PLEKHG4B: variants seen among roughly 807,000 people sequenced by gnomAD.
PLEKHG4B encodes pleckstrin homology and RhoGEF domain containing G4B.
Under a neutral mutation model 121.3 loss-of-function variants are expected in PLEKHG4B, and 111 were observed. The observed-to-expected ratio is 0.92, with a 90% CI of 0.78 to 1.07. PLEKHG4B has a LOEUF of 1.07. Ranked by LOEUF, PLEKHG4B falls within the 50% of genes least tolerant of loss-of-function variation. The pLI is 0.00. For synonymous variants in PLEKHG4B, 738 were observed against 725.0 expected (o/e 1.02, Z -0.29); for missense variants, 1,831 against 1,757.8 (o/e 1.04, Z -0.74).
At chr5:167,653 C>T (rs1055644283) in intron 13 of PLEKHG4B, among the ~76,000 whole-genome samples, 19 of 152,186 alleles carry the variant, frequency 1.2e-4, no homozygotes, top group Admixed American at 4.6e-4. Context: ...ACGCCCAGAT[C>T]CCACCCCAGC....
chr5:133,599 A>G (rs1287637508), intron 2 of PLEKHG4B, among the ~76,000 whole-genome samples: 1 of 152,184 alleles, frequency 6.6e-6, no homozygotes, highest in Non-Finnish European at 1.5e-5. Flanking sequence ...CTTATCATGC[A>G]GGAATGGCCA....
Position 162,849 on chromosome 5 carries a change from C to CA in PLEKHG4B, c.2778dup (p.Val927SerfsTer34). The CA allele has an allele frequency of 6.6e-7, 1 of 1,515,126 alleles. No individual in the cohort carries two copies. Among genetic ancestry groups the CA allele is most frequent in the South Asian group, 1.3e-5 (1 of 76,040 alleles). The allele number at this position is 1,515,126 out of a possible 1,614,324, so 93.9% of individuals were successfully genotyped here. ...GAGGCCTTCCCCGGGGCAGGTGTGGCAGTGCTGAAGCCTCATGCCCTGGGG... is the reference window on the plus strand; with the variant it reads ...GAGGCCTTCCCCGGGGCAGGTGTGGCAAGTGCTGAAGCCTCATGCCCTGGGG... On this transcript the variant is annotated frameshift_variant, in exon 13 of 20. Transcript: ENST00000637938. LOFTEE classifies it high-confidence loss of function.
intron 12 of PLEKHG4B, 82 bp from the exon 13 acceptor site, chr5:162,640 A>G (rs1202170890): frequency 2.8e-6 from 3 of 1,061,306 alleles, no homozygotes; most frequent in Non-Finnish European, 3.7e-6. Flanking sequence ...GAATAGGCTG[A>G]CCTGGGGAAC....
At chr5:134,495 G>T (rs1734888630) in intron 2 of PLEKHG4B, among the ~76,000 whole-genome samples, 1 of 152,066 alleles carries the variant, frequency 6.6e-6, no homozygotes, top group Admixed American at 6.5e-5. Context: ...TCCAGGCATG[G>T]TGGGTCATGC....
intron 2 of PLEKHG4B, among the ~76,000 whole-genome samples, chr5:136,610 A>G (rs1004924866): frequency 6.6e-6 from 1 of 152,274 alleles, no homozygotes; most frequent in Non-Finnish European, 1.5e-5. Context: ...AACCTCAATT[A>G]GATACCACCT....
In PLEKHG4B at chr5:182,371, G is replaced by A. The variant is rs939922274; in HGVS notation, c.*48G>A. ...CATCATGTGGCTAGAACAATACAGA[G>A]GGAGCAGCACGCCAGGCCTGATGAC... is the stretch of plus-strand genomic sequence containing the variant. On this transcript the variant is annotated 3_prime_UTR_variant, in exon 20 of 20. Transcript: ENST00000637938. 5 of 1,522,616 alleles carry A rather than the reference G, an allele frequency of 3.3e-6. No individual in the cohort carries two copies. The highest frequency in any genetic ancestry group is 4.9e-5 in the East Asian group (2 of 40,862). The allele number at this position is 1,522,616 out of a possible 1,614,324, so 94.3% of individuals were successfully genotyped here. A position where few individuals can be genotyped will look rare whatever the true frequency, so the allele number is the denominator to read the frequency against.
intron 1 of PLEKHG4B, among the ~76,000 whole-genome samples, chr5:109,975 G>A (rs1196665888): frequency 1.4e-5 from 2 of 141,068 alleles, no homozygotes; most frequent in Non-Finnish European, 3.0e-5. Context: ...GCACACACCG[G>A]TTGCTCTGCA....
chr5:134,306 A>G (rs1421888477), intron 2 of PLEKHG4B, among the ~76,000 whole-genome samples: 1 of 151,668 alleles, frequency 6.6e-6, no homozygotes, highest in Non-Finnish European at 1.5e-5. Context: ...AATACAATAG[A>G]CTTTGGGGAT....
intron 2 of PLEKHG4B, among the ~76,000 whole-genome samples, chr5:133,167 G>A (rs147951916): frequency 0.015 from 2,269 of 152,202 alleles, 69 homozygotes; most frequent in African/African-American, 0.052. Flanking sequence ...AAAAGGGGTT[G>A]AGTTCTTAAT....
intron 2 of PLEKHG4B, among the ~76,000 whole-genome samples, chr5:118,400 C>G (rs893873815): frequency 6.6e-6 from 1 of 152,190 alleles, no homozygotes; most frequent in Non-Finnish European, 1.5e-5. Context: ...CTGAGCCCAG[C>G]AACTTTAGAA....
In PLEKHG4B at chr5:156,037, G is replaced by C; in HGVS notation, c.2209-34G>C. ...GGGAGGACCTGCCCCTTGGAGGAGG[G>C]AGTTAAAGGCTTATTCCTCCCCATC... On this transcript the variant is annotated intron_variant, in intron 9 of 19. Coordinates refer to ENST00000637938, the MANE Select transcript of PLEKHG4B (RefSeq NM_052909.5). The surrounding 1 kb of genome is among the most constrained non-coding windows in gnomAD (Gnocchi z 4.4). The C allele has an allele frequency of 1.3e-6, 2 of 1,519,170 alleles. No homozygotes were observed. Among genetic ancestry groups the C allele is most frequent in the Non-Finnish European group, 1.8e-6 (2 of 1,127,684 alleles). The allele number at this position is 1,519,170 out of a possible 1,614,324, so 94.1% of individuals were successfully genotyped here.
chr5:148,011 C>A (rs767958233), intron 6 of PLEKHG4B, among the ~76,000 whole-genome samples: 3 of 152,034 alleles, frequency 2.0e-5, no homozygotes, highest in Non-Finnish European at 4.4e-5. Flanking sequence ...AAAAAAAAAG[C>A]ATTTGACAAA....
At chr5:136,142 T>G (rs62344123) in intron 2 of PLEKHG4B, among the ~76,000 whole-genome samples, 16,141 of 152,098 alleles carry the variant, frequency 0.11, 1,875 homozygotes, top group African/African-American at 0.29. Context: ...GTAGGACCCT[T>G]ACCTAAACCC....
intron 2 of PLEKHG4B, among the ~76,000 whole-genome samples, chr5:116,998 A>G (rs1734325641): frequency 2.0e-5 from 3 of 152,300 alleles, no homozygotes; most frequent in Admixed American, 6.5e-5. Context: ...GCTGCTTTCA[A>G]AGGCCTGCCT....
In PLEKHG4B at chr5:171,382, G is replaced by T; in HGVS notation, c.3988G>T (p.Val1330Phe). ...LGELRAAEVV[V>F]CFQLRHGNDL... ...CGAGCTCCGAGCCGCCGAGGTCGTG[G>T]TCTGCTTCCAGCTGCGTCACGGCAA... The change falls in exon 16 of 20, where the codon GTC becomes TTC. Residue 1330 changes from valine (V) to phenylalanine (F), a missense_variant. Coordinates refer to ENST00000637938, the MANE Select transcript of PLEKHG4B (RefSeq NM_052909.5). 1 of 1,610,736 alleles carries T rather than the reference G, an allele frequency of 6.2e-7. No individual in the cohort carries two copies. Among genetic ancestry groups the T allele is most frequent in the Non-Finnish European group, 8.5e-7 (1 of 1,179,750 alleles).
chr5:110,047 GAC>G (rs1266297439), intron 1 of PLEKHG4B, among the ~76,000 whole-genome samples: 2 of 109,820 alleles, frequency 1.8e-5, no homozygotes, highest in East Asian at 2.9e-4. Context: ...CAATCTGCAA[GAC>G]ACGTGCACAC....
chr5:102,081 C>T (rs867896514), intron 1 of PLEKHG4B, among the ~76,000 whole-genome samples: 22 of 112,592 alleles, frequency 2.0e-4, no homozygotes, highest in African/African-American at 5.8e-4. Context: ...CATATAAAGC[C>T]CTGGAAAAAG....
chr5:162,538 C>G (rs1351420550), intron 12 of PLEKHG4B, among the ~76,000 whole-genome samples, 184 bp from the exon 13 acceptor site: 1 of 152,270 alleles, frequency 6.6e-6, no homozygotes, highest in African/African-American at 2.4e-5. Flanking sequence ...TGGGGTCAGA[C>G]ACAGCCCACC....
rs1733638787 is a variant in PLEKHG4B, at chr5:186,778, G to T, written c.*4455G>T. On this transcript the variant is annotated 3_prime_UTR_variant, in exon 20 of 20. Coordinates refer to ENST00000637938, the MANE Select transcript of PLEKHG4B (RefSeq NM_052909.5). ...TTCCAAGCTGCCTGAGCAATCCTGG[G>T]TGGTGAGCTCCACCACTCCCACCCA... is the stretch of plus-strand genomic sequence containing the variant. 1.3e-5 allele frequency: 2 copies of T among 152,546 alleles called. No homozygotes were observed. The highest frequency in any genetic ancestry group is 4.2e-4 in the South Asian group (2 of 4,818). The allele number at this position is 152,546 out of a possible 1,614,324, so 9.4% of individuals were successfully genotyped here.
Sources: gnomAD v4.1 joint callset for allele counts (sites outside exome capture counted in the v4.1 genomes callset) on GRCh38, gnomAD v4.1.1 for gene constraint, Gnocchi (gnomAD v3.1) non-coding constraint, MANE v1.5 for transcripts, NCBI Gene and HGNC (gene_info 2026-07-23, HGNC 2026-07-21) for gene names.